TRPM8: variants seen among roughly 807,000 people sequenced by gnomAD.
TRPM8 encodes TRPM8 cationic channel.
A neutral mutation model predicts 133.7 loss-of-function variants in TRPM8; 110 were observed. The observed-to-expected ratio is 0.82, with a 90% CI of 0.70 to 0.96. TRPM8 has a LOEUF of 0.96. TRPM8 is among the 40% of genes least tolerant of loss of function. The probability of loss-of-function intolerance (pLI) is 0.00; values close to 1 mark genes in which losing one functional copy is unlikely to be tolerated. For missense variants in TRPM8, 1,291 were observed against 1,379.5 expected (o/e 0.94, Z 1.02); for synonymous variants, 535 against 532.3 (o/e 1.01, Z -0.07).
intron 22 of TRPM8, among the ~76,000 whole-genome samples, chr2:233,999,344 G>C (rs1002011764): frequency 2.6e-5 from 4 of 152,226 alleles, no homozygotes; most frequent in Admixed American, 1.3e-4. Context: ...CAAAAAGCAG[G>C]TACTGCAAGG....
At chr2:233,992,423 T>C (rs1574770686) in intron 21 of TRPM8, among the ~76,000 whole-genome samples, 1 of 152,268 alleles carries the variant, frequency 6.6e-6, no homozygotes, top group East Asian at 1.9e-4. Flanking sequence ...TATTTAGTCA[T>C]CCTATTCCAT....
chr2:233,961,135 A>G (rs1691427723), intron 12 of TRPM8, 69 bp downstream of exon 12: 4 of 1,469,436 alleles, frequency 2.7e-6, no homozygotes, highest in South Asian at 1.3e-5. Flanking sequence ...AGATATCTCC[A>G]TTTTCCCTAC....
At chr2:233,960,577 A>G (rs1691408002) in intron 11 of TRPM8, among the ~76,000 whole-genome samples, 199 bp from the exon 12 acceptor site, 1 of 152,214 alleles carries the variant, frequency 6.6e-6, no homozygotes, top group African/African-American at 2.4e-5. Context: ...TCCTGTTTAG[A>G]GGTTTGAACT....
rs3078202 is a variant in TRPM8 at position 234,000,086 on chromosome 2, GATTTATTT to G, written c.3130+3603_3130+3610del. On this transcript the variant is annotated intron_variant, in intron 22 of 25. Transcript: ENST00000324695. ...AGCAGCATCTGTGATCAATGTGGAT[GATTTATTT>G]ATTTATTTATTTATTTATTTATTTA... Among the ~76,000 whole-genome samples, 555 of 144,262 alleles carry G rather than the reference GATTTATTT, an allele frequency of 3.8e-3. 4 individuals are homozygous for G. The highest frequency in any genetic ancestry group is 5.6e-3 in the Non-Finnish European group (373 of 66,208). The allele number at this position is 144,262 out of a possible 152,430, so 94.6% of individuals were successfully genotyped here. A position where few individuals can be genotyped will look rare whatever the true frequency, so the allele number is the denominator to read the frequency against.
intron 24 of TRPM8, among the ~76,000 whole-genome samples, chr2:234,009,378 C>T (rs541883228): frequency 6.6e-6 from 1 of 152,270 alleles, no homozygotes; most frequent in African/African-American, 2.4e-5. Flanking sequence ...CAAAAGCTTC[C>T]CCAAGCCACA....
chr2:233,928,384 T>A (rs1266180216), intron 2 of TRPM8, among the ~76,000 whole-genome samples: 2 of 151,954 alleles, frequency 1.3e-5, no homozygotes, highest in Non-Finnish European at 2.9e-5. Flanking sequence ...GTAGAACTGC[T>A]GAGACCATGC....
Position 233,954,026 on chromosome 2 carries a change from A to T in TRPM8, c.1243+7A>T, listed in dbSNP as rs1691233232. ...TCCTACGCTCTATACAAAGGTGAGT[A>T]AAAATAGCTCCTTTTGAAGTGTCAG... On this transcript the variant is annotated splice_region_variant and intron_variant, in intron 10 of 25. Transcript: ENST00000324695. The T allele has an allele frequency of 6.3e-7, 1 of 1,581,228 alleles. No individual in the cohort carries two copies. Among genetic ancestry groups the T allele is most frequent in the Non-Finnish European group, 8.6e-7 (1 of 1,162,500 alleles).
intron 24 of TRPM8, among the ~76,000 whole-genome samples, chr2:234,009,435 A>C (rs927005597): frequency 6.6e-6 from 1 of 152,146 alleles, no homozygotes; most frequent in South Asian, 2.1e-4. Context: ...TGGACAGAGG[A>C]GGGCAGCAAC....
At chr2:233,981,262 CAGTT>C (rs1692001004) in intron 18 of TRPM8, among the ~76,000 whole-genome samples, 1 of 152,118 alleles carries the variant, frequency 6.6e-6, no homozygotes, top group Non-Finnish European at 1.5e-5. Context: ...ATTTGAGCCA[CAGTT>C]GGTTGGATAT....
At chr2:233,956,602 A>C (rs923668024) in intron 11 of TRPM8, among the ~76,000 whole-genome samples, 1 of 152,250 alleles carries the variant, frequency 6.6e-6, no homozygotes, top group Admixed American at 6.5e-5. Context: ...CATATATTTC[A>C]TAACTTTCAT....
At chr2:233,963,723 G>A (rs779709858) in intron 13 of TRPM8, among the ~76,000 whole-genome samples, 4 of 152,134 alleles carry the variant, frequency 2.6e-5, no homozygotes, top group Non-Finnish European at 4.4e-5. Flanking sequence ...AAAAAATTCC[G>A]CTTTGGAAAG....
chr2:233,928,057 C>T (rs1434872888), intron 2 of TRPM8, among the ~76,000 whole-genome samples: 7 of 149,532 alleles, frequency 4.7e-5, no homozygotes, highest in Admixed American at 4.0e-4. Flanking sequence ...GCAAACTCCA[C>T]CTCCCAGGTT....
intron 21 of TRPM8, among the ~76,000 whole-genome samples, chr2:233,986,548 A>G (rs1202673001): frequency 6.6e-6 from 1 of 152,240 alleles, no homozygotes; most frequent in East Asian, 1.9e-4. Context: ...CATCATGGTC[A>G]GAAAGAAAAT....
chr2:233,996,117 AGC>A (rs1186949646), intron 21 of TRPM8, among the ~76,000 whole-genome samples: 1 of 151,352 alleles, frequency 6.6e-6, no homozygotes, highest in Non-Finnish European at 1.5e-5. Context: ...AACCACCAAA[AGC>A]CAGACACACT....
intron 17 of TRPM8, among the ~76,000 whole-genome samples, chr2:233,977,498 AG>A (rs1220343720): frequency 6.6e-6 from 1 of 152,216 alleles, no homozygotes. Flanking sequence ...GGGCTGGGGC[AG>A]TGCCTACCTG....
intron 17 of TRPM8, among the ~76,000 whole-genome samples, chr2:233,976,610 A>G (rs979810381): frequency 1.3e-5 from 2 of 152,018 alleles, no homozygotes; most frequent in African/African-American, 2.4e-5. Context: ...GATGCTGGCT[A>G]TGGGGGGATG....
intron 3 of TRPM8, among the ~76,000 whole-genome samples, chr2:233,933,023 G>C (rs924942231): frequency 2.0e-5 from 3 of 151,582 alleles, no homozygotes; most frequent in Non-Finnish European, 4.4e-5. Context: ...GGACGCTACT[G>C]CAAGATGGTG....
At chr2:233,947,424 A>C (rs1691071282) in intron 8 of TRPM8, 1 of 1,458,762 alleles carries the variant, frequency 6.9e-7, no homozygotes, top group South Asian at 1.2e-5. Flanking sequence ...GTTGACATTA[A>C]TTCGGGAGAC....
intron 1 of TRPM8, among the ~76,000 whole-genome samples, chr2:233,919,611 A>AATACTCTTTACATGG (rs1691369558): frequency 6.6e-6 from 1 of 151,522 alleles, no homozygotes; most frequent in Non-Finnish European, 1.5e-5. Flanking sequence ...GATCCATGTA[A>AATACTCTTTACATGG]ATACTCTTTA....
Sources: allele counts gnomAD v4.1 joint callset (sites outside exome capture counted in the v4.1 genomes callset), GRCh38; gene constraint gnomAD v4.1.1; transcripts MANE v1.5; gene names NCBI Gene and HGNC (gene_info 2026-07-23, HGNC 2026-07-21).